Variants in MAGI1 observed in about 807,000 individuals in gnomAD.
MAGI1 encodes membrane-associated guanylate kinase, WW and PDZ domain-containing protein 1.
In MAGI1, 58 loss-of-function variants were observed where a neutral mutation model predicts 139.9. That is an observed-to-expected ratio of 0.41 (90% CI 0.34 to 0.52). The LOEUF (loss-of-function observed/expected upper bound fraction) is 0.52, where lower values mean the gene tolerates loss of function less well. MAGI1 is among the 20% of genes least tolerant of loss of function. The probability of loss-of-function intolerance (pLI) is 0.12; values close to 1 mark genes in which losing one functional copy is unlikely to be tolerated. For synonymous variants in MAGI1, 812 were observed against 737.9 expected, an observed-to-expected ratio of 1.10 and a Z score of -1.63; for missense variants, 1,874 against 1,901.6, an observed-to-expected ratio of 0.99 and a Z score of 0.27.
chr3:65,814,314 T>C (rs764717199), intron 1 of MAGI1, among the ~76,000 whole-genome samples: 2 of 152,178 alleles, frequency 1.3e-5, no homozygotes, highest in African/African-American at 4.8e-5. Flanking sequence ...ATGCATGTAA[T>C]GGTGTTTACC....
chr3:65,365,041 T>A (rs1482549209), intron 18 of MAGI1, 95 bp from the exon 19 acceptor site: 1 of 945,098 alleles, frequency 1.1e-6, no homozygotes, highest in Admixed American at 1.7e-5. Flanking sequence ...GAATAACAAG[T>A]GTGACTTCTC....
chr3:65,843,030 C>T (rs188066333), intron 1 of MAGI1, among the ~76,000 whole-genome samples: 57 of 152,356 alleles, frequency 3.7e-4, no homozygotes, highest in African/African-American at 1.3e-3. Flanking sequence ...CTACAATGGT[C>T]TTCAATGATC....
chr3:65,836,614 T>C (rs183519272), intron 1 of MAGI1, among the ~76,000 whole-genome samples: 1 of 150,156 alleles, frequency 6.7e-6, no homozygotes, highest in Admixed American at 6.6e-5. Flanking sequence ...AGGTCAGGAG[T>C]TCAAGACCAG....
chr3:65,877,292 ACT>A (rs2060153929), intron 1 of MAGI1, among the ~76,000 whole-genome samples: 1 of 152,068 alleles, frequency 6.6e-6, no homozygotes, highest in South Asian at 2.1e-4. Context: ...AAGAAATGAA[ACT>A]CTACAAGGTA....
At chr3:65,802,354 G>C (rs553191395) in intron 1 of MAGI1, among the ~76,000 whole-genome samples, 1 of 152,302 alleles carries the variant, frequency 6.6e-6, no homozygotes, top group African/African-American at 2.4e-5. Context: ...GGATGGGGGA[G>C]ACAAGGAAGA....
intron 1 of MAGI1, among the ~76,000 whole-genome samples, chr3:65,859,656 G>T (rs1324145088): frequency 6.6e-6 from 1 of 151,622 alleles, no homozygotes; most frequent in African/African-American, 2.4e-5. Context: ...GGGAGGCAGA[G>T]GTTGCAGTGA....
intron 1 of MAGI1, among the ~76,000 whole-genome samples, chr3:65,966,632 G>A (rs555720223): frequency 5.1e-4 from 78 of 152,194 alleles, no homozygotes; most frequent in Admixed American, 1.0e-3. Context: ...GAGTGGGGGC[G>A]CGGCCAAAGC....
At chr3:65,845,997 CT>C (rs751060099) in intron 1 of MAGI1, among the ~76,000 whole-genome samples, 19 of 152,272 alleles carry the variant, frequency 1.2e-4, no homozygotes, top group Middle Eastern at 3.4e-3. Context: ...TTAAATCTTT[CT>C]TTTATAAAAT....
At chr3:65,435,673 A>C (rs964403947) in intron 10 of MAGI1, among the ~76,000 whole-genome samples, 2 of 152,260 alleles carry the variant, frequency 1.3e-5, no homozygotes, top group Non-Finnish European at 2.9e-5. Context: ...GTTAAATAAT[A>C]GCACACAAAT....
intron 12 of MAGI1, among the ~76,000 whole-genome samples, chr3:65,421,480 G>C (rs144295945): frequency 1.9e-3 from 291 of 152,262 alleles, no homozygotes; most frequent in African/African-American, 6.6e-3. Context: ...CTGAATCAAT[G>C]AATCAGATAA....
intron 1 of MAGI1, among the ~76,000 whole-genome samples, chr3:65,660,586 C>A (rs1028782782): frequency 6.6e-6 from 1 of 152,210 alleles, no homozygotes; most frequent in Non-Finnish European, 1.5e-5. Context: ...TTATTGTCTT[C>A]TGGAAAAGTT....
At chr3:65,947,637 G>A (rs1560043121) in intron 1 of MAGI1, among the ~76,000 whole-genome samples, 1 of 152,074 alleles carries the variant, frequency 6.6e-6, no homozygotes, top group Non-Finnish European at 1.5e-5. Flanking sequence ...GTTTTTCTGA[G>A]ACGGGGTCTC....
intron 1 of MAGI1, among the ~76,000 whole-genome samples, chr3:65,741,037 T>C (rs1282154438): frequency 6.6e-6 from 1 of 152,234 alleles, no homozygotes; most frequent in Non-Finnish European, 1.5e-5. Flanking sequence ...TAATGCCTTT[T>C]GGGCTGCTTC....
At chr3:65,823,609 G>C (rs1217706103) in intron 1 of MAGI1, among the ~76,000 whole-genome samples, 1 of 152,116 alleles carries the variant, frequency 6.6e-6, no homozygotes, top group Non-Finnish European at 1.5e-5. Flanking sequence ...CTTTCTCACT[G>C]TCATTACTGT....
intron 2 of MAGI1, among the ~76,000 whole-genome samples, chr3:65,617,537 G>C (rs1177736452): frequency 6.6e-6 from 1 of 152,172 alleles, no homozygotes; most frequent in Non-Finnish European, 1.5e-5. Flanking sequence ...GAGGTACGGT[G>C]ATATCTAGAC....
chr3:65,986,128 C>A (rs2065867372), intron 1 of MAGI1, among the ~76,000 whole-genome samples: 1 of 152,182 alleles, frequency 6.6e-6, no homozygotes, highest in South Asian at 2.1e-4. Context: ...GCTGATTGAT[C>A]ATGGTGCCTC....
chr3:65,465,741 T>C (rs1278434079), intron 5 of MAGI1, among the ~76,000 whole-genome samples: 1 of 152,232 alleles, frequency 6.6e-6, no homozygotes, highest in Non-Finnish European at 1.5e-5. Flanking sequence ...GCTTATTGAA[T>C]CTGTAGGTTT....
intron 1 of MAGI1, among the ~76,000 whole-genome samples, chr3:65,669,625 G>A (rs758019298): frequency 3.9e-5 from 6 of 152,116 alleles, no homozygotes; most frequent in East Asian, 1.9e-4. Context: ...TTTTGTCTTC[G>A]GGATTCTACT....
intron 1 of MAGI1, among the ~76,000 whole-genome samples, chr3:65,836,861 G>A (rs1201579463): frequency 1.3e-5 from 2 of 152,112 alleles, no homozygotes; most frequent in Non-Finnish European, 2.9e-5. Context: ...TTTTTGTGGA[G>A]CCATCACTTT....
Sources: gnomAD v4.1 joint callset for allele counts (sites outside exome capture counted in the v4.1 genomes callset) on GRCh38, gnomAD v4.1.1 for gene constraint, MANE v1.5 for transcripts, NCBI Gene and HGNC (gene_info 2026-07-23, HGNC 2026-07-21) for gene names.